GNMT: variants seen among roughly 807,000 people sequenced by gnomAD.
GNMT encodes glycine N-methyltransferase, also known as epididymis secretory sperm binding protein Li 182mP.
GNMT carries 26 observed loss-of-function variants against 30.2 expected under a neutral mutation model. The observed-to-expected ratio is 0.86, with a 90% CI of 0.63 to 1.19. GNMT has a LOEUF of 1.19. Among genes scored for constraint, GNMT ranks in the 50% most tolerant of loss-of-function variants. GNMT has a pLI of 0.00. For missense variants in GNMT, 365 were observed against 398.1 expected, an observed-to-expected ratio of 0.92 and a Z score of 0.71; for synonymous variants, 163 against 163.8, an observed-to-expected ratio of 1.00 and a Z score of 0.04.
At position 42,962,875 on chromosome 6, in the gene GNMT, A is replaced by T; in HGVS notation, c.448A>T (p.Lys150Ter). The change falls in exon 3 of 6, where the codon AAA becomes TAA. Residue 150 changes from lysine to a stop codon, truncating the protein, a stop_gained. Transcript: ENST00000372808. LOFTEE classifies it high-confidence loss of function. ...GNSFAHLPDCKGDQSEHRLAL... is the reference protein window; with the variant it reads ...GNSFAHLPDC ...CAGTTTCGCTCACTTGCCAGACTGC[A>T]AAGGTAAGAGAGGGTGTGGCCTTGG... 2 of 1,611,904 alleles carry T rather than the reference A, an allele frequency of 1.2e-6. No homozygotes were observed. Among genetic ancestry groups the T allele is most frequent in the Non-Finnish European group, 1.7e-6 (2 of 1,177,924 alleles).
At chr6:42,962,166 C>A (rs749111811) in intron 1 of GNMT, 46 bp from the exon 2 acceptor site, 1 of 1,612,900 alleles carries the variant, frequency 6.2e-7, no homozygotes. Context: ...CCCTCCCAGG[C>A]TCCCCTAACT....
rs761528256 is a variant in GNMT at position 42,962,889 on chromosome 6, G to T, written c.451+11G>T. On this transcript the variant is annotated intron_variant, in intron 3 of 5. Transcript: ENST00000372808. ...TGCCAGACTGCAAAGGTAAGAGAGG[G>T]TGTGGCCTTGGGCATGGCCCCCGCC... 1.2e-6 allele frequency: 2 copies of T among 1,607,324 alleles called. No homozygotes were observed. Among genetic ancestry groups the T allele is most frequent in the South Asian group, 2.2e-5 (2 of 90,958 alleles).
chr6:42,963,278 G>A, intron 4 of GNMT, 50 bp from the exon 5 acceptor site: 2 of 1,563,660 alleles, frequency 1.3e-6, no homozygotes, highest in South Asian at 1.2e-5. Context: ...GGGTCCAGTG[G>A]CCCCAAGGTG....
At position 42,960,760 on chromosome 6, in the gene GNMT, G is replaced by A. The variant is rs1581745652; in HGVS notation, c.-8G>A. The A allele has an allele frequency of 1.3e-6, 2 of 1,502,536 alleles. No homozygotes were observed. Among genetic ancestry groups the A allele is most frequent in the Non-Finnish European group, 1.8e-6 (2 of 1,122,338 alleles). 93.1% of individuals were successfully genotyped at this position (1,502,536 alleles called of 1,614,324 possible). A position where few individuals can be genotyped will look rare whatever the true frequency, so the allele number is the denominator to read the frequency against. ...AGCGGGTGGCTGCGGAGCCAGGCGCGGCGCAGGATGGTGGACAGCGTGTAC... is the reference window on the plus strand; with the variant it reads ...AGCGGGTGGCTGCGGAGCCAGGCGCAGCGCAGGATGGTGGACAGCGTGTAC... On this transcript the variant is annotated 5_prime_UTR_variant, in exon 1 of 6. Transcript: ENST00000372808.
intron 2 of GNMT, 70 bp from the exon 3 acceptor site, chr6:42,962,692 A>C (rs550187950): frequency 1.9e-6 from 2 of 1,047,056 alleles, no homozygotes; most frequent in Admixed American, 3.4e-5. Context: ...GCAGGACTGC[A>C]CTTGGTGGAG....
rs762870198 is a variant in GNMT, at chr6:42,962,868, A to G, written c.441A>G (p.Pro147=). The G allele has an allele frequency of 1.9e-6, 3 of 1,613,138 alleles. No individual in the cohort carries two copies. The highest frequency in any genetic ancestry group is 2.5e-6 in the Non-Finnish European group (3 of 1,179,050). ...TTGGAAACAGTTTCGCTCACTTGCC[A>G]GACTGCAAAGGTAAGAGAGGGTGTG... ...ICLGNSFAHL[P]DCKGDQSEHR... is the part of the protein sequence containing the mutation. The change falls in exon 3 of 6, where the codon CCA becomes CCG. Residue 147 remains proline (P), a synonymous_variant. Transcript: ENST00000372808.
At chr6:42,961,210 CTGAG>C (rs1370859721) in intron 1 of GNMT, among the ~76,000 whole-genome samples, 2 of 152,146 alleles carry the variant, frequency 1.3e-5, no homozygotes, top group Non-Finnish European at 2.9e-5. Context: ...AGAAGGGAGA[CTGAG>C]TGTGAGTGAG....
intron 1 of GNMT, among the ~76,000 whole-genome samples, chr6:42,961,550 C>CTTTTTTTTTTTTT (rs575786265): frequency 4.6e-5 from 6 of 130,640 alleles, no homozygotes; most frequent in African/African-American, 8.4e-5. Context: ...CTATTTTTCT[C>CTTTTTTTTTTTTT]TTTTTTTTTT....
rs558316702 is a variant in GNMT, at chr6:42,960,965, T to C, written c.198T>C (p.Cys66=). The change falls in exon 1 of 6, where the codon TGT becomes TGC. Residue 66 remains cysteine, a synonymous_variant. Coordinates refer to ENST00000372808, the MANE Select transcript of GNMT (RefSeq NM_018960.6). ...GCCAGCGGGTGCTCGACGTAGCCTG[T>C]GGCACTGGGTGAGCCCAGGCCGGGG... The part of the protein sequence containing the change: ...HGCQRVLDVA[C]GTGVDSIMLV... The C allele has an allele frequency of 5.8e-6, 9 of 1,556,288 alleles. No homozygotes were observed. The South Asian group carries it at 1.1e-4, about 18-fold the overall frequency.
intron 2 of GNMT, 40 bp downstream of exon 2, chr6:42,962,379 G>A (rs1317790520): frequency 6.2e-7 from 1 of 1,611,308 alleles, no homozygotes; most frequent in Non-Finnish European, 8.5e-7. Flanking sequence ...CCAGTCACCA[G>A]GAACACTGTT....
At position 42,961,091 on chromosome 6, in the gene GNMT, A is replaced by G. The variant is rs1029387125; in HGVS notation, c.206+118A>G. The G allele has an allele frequency of 9.5e-6, 8 of 839,112 alleles. No individual in the cohort carries two copies. In the South Asian group the frequency reaches 1.3e-4, roughly 14 times the overall value. The allele number at this position is 839,112 out of a possible 1,614,324, so 52.0% of individuals were successfully genotyped here. A position where few individuals can be genotyped will look rare whatever the true frequency, so the allele number is the denominator to read the frequency against. On this transcript the variant is annotated intron_variant, in intron 1 of 5. Coordinates refer to ENST00000372808, the MANE Select transcript of GNMT (RefSeq NM_018960.6). The stretch of plus-strand genomic sequence containing the variant: ...CAGGGCGGCCTTTGCCAATCCTGGA[A>G]CGGGTGGGACACCAGGGCCAGGAGC...
At position 42,963,437 on chromosome 6, in the gene GNMT, C is replaced by G; in HGVS notation, c.704C>G (p.Ser235Cys). The G allele has an allele frequency of 1.2e-6, 2 of 1,613,428 alleles. No homozygotes were observed. The highest frequency in any genetic ancestry group is 8.5e-7 in the Non-Finnish European group (1 of 1,179,896). Residue 235 changes from serine to cysteine, a missense_variant, in exon 5 of 6, where the codon TCT becomes TGT. Physicochemically the swap from Ser to Cys is moderately radical, Grantham distance 112. This residue lies in a region of GNMT where 232 missense variants were observed against 263.0 expected (regional missense o/e 0.88). Coordinates refer to ENST00000372808, the MANE Select transcript of GNMT (RefSeq NM_018960.6). ...VQVPGAGQDG[S>C]PGLSKFRLSY... ...GTGCCGGGGGCTGGCCAGGATGGCT[C>G]TCCTGGCTTGAGGTACCACTTGGCT...
intron 1 of GNMT, 36 bp downstream of exon 1, chr6:42,961,009 A>C: frequency 6.7e-7 from 1 of 1,500,120 alleles, no homozygotes; most frequent in Non-Finnish European, 8.9e-7. Flanking sequence ...GTTGCATGAG[A>C]TCGGGGTCTG....
At chr6:42,961,331 T>C (rs1221762738) in intron 1 of GNMT, among the ~76,000 whole-genome samples, 2 of 152,180 alleles carry the variant, frequency 1.3e-5, no homozygotes, top group Non-Finnish European at 1.5e-5. Context: ...ACAGTTAACA[T>C]TGCTCAACAT....
chr6:42,963,465 G>A lies in GNMT; in HGVS notation c.716+16G>A. The A allele has an allele frequency of 1.2e-6, 2 of 1,607,150 alleles. No homozygotes were observed. The highest frequency in any genetic ancestry group is 1.7e-6 in the Non-Finnish European group (2 of 1,179,166). On this transcript the variant is annotated intron_variant, in intron 5 of 5. Transcript: ENST00000372808. Reference sequence around the variant, plus strand: ...CTGGCTTGAGGTACCACTTGGCTTAGTGGGGGTGAGGCGGTAGTTGGGGGA... The same window carrying A: ...CTGGCTTGAGGTACCACTTGGCTTAATGGGGGTGAGGCGGTAGTTGGGGGA...
rs765007337 is a variant in GNMT at position 42,963,737 on chromosome 6, C to T, written c.*31C>T. 1.5e-5 allele frequency: 24 copies of T among 1,607,814 alleles called. No homozygotes were observed. Among genetic ancestry groups the T allele is most frequent in the Admixed American group, 5.0e-5 (3 of 60,000 alleles). On this transcript the variant is annotated 3_prime_UTR_variant, in exon 6 of 6. Transcript: ENST00000372808. ...GCCTCAGCTCCCACAAGCCTCTGCC[C>T]AGGCACTGCTAGGCTCTGTCTGGAA...
rs772561384 is a variant in GNMT, at chr6:42,963,379, G to T, written c.646G>T (p.Ala216Ser). 3 of 1,613,754 alleles carry T rather than the reference G, an allele frequency of 1.9e-6. No individual in the cohort carries two copies. The Admixed American group carries it at 5.0e-5, about 27-fold the overall frequency. The change falls in exon 5 of 6, where the codon GCC becomes TCC. Residue 216 changes from alanine (A) to serine (S), a missense_variant. Coordinates refer to ENST00000372808, the MANE Select transcript of GNMT (RefSeq NM_018960.6). ...TTSVLIVNNK[A>S]HMVTLDYTVQ... is the part of the protein sequence containing the mutation. The stretch of plus-strand genomic sequence containing the variant: ...ATCAGTGCTGATAGTGAACAACAAG[G>T]CCCACATGGTGACCCTGGACTATAC...
Position 42,960,945 on chromosome 6 carries a change from C to A in GNMT, c.178C>A (p.Arg60=). The A allele has an allele frequency of 6.4e-7, 1 of 1,563,550 alleles. No individual in the cohort carries two copies. Among genetic ancestry groups the A allele is most frequent in the Non-Finnish European group, 8.6e-7 (1 of 1,160,422 alleles). ...LGLLRQHGCQ[R]VLDVACGTGV... Reference sequence around the variant, plus strand: ...GCTGCTGCGCCAGCACGGCTGCCAGCGGGTGCTCGACGTAGCCTGTGGCAC... The same window carrying A: ...GCTGCTGCGCCAGCACGGCTGCCAGAGGGTGCTCGACGTAGCCTGTGGCAC... Residue 60 remains arginine, a synonymous_variant, in exon 1 of 6, where the codon CGG becomes AGG. Transcript: ENST00000372808.
At chr6:42,961,550 C>CTTTTTTTTTTTTTT (rs575786265) in intron 1 of GNMT, among the ~76,000 whole-genome samples, 5 of 130,638 alleles carry the variant, frequency 3.8e-5, no homozygotes, top group East Asian at 5.0e-4. Context: ...CTATTTTTCT[C>CTTTTTTTTTTTTTT]TTTTTTTTTT....
Sources: gnomAD v4.1 joint callset for allele counts (sites outside exome capture counted in the v4.1 genomes callset) on GRCh38, gnomAD v4.1.1 for gene constraint, gnomAD v4.1.1 regional missense constraint, MANE v1.5 for transcripts, NCBI Gene and HGNC (gene_info 2026-07-23, HGNC 2026-07-21) for gene names.